SESTD1: variants seen among roughly 807,000 people sequenced by gnomAD.
SESTD1 encodes the protein SEC14 domain and spectrin repeat-containing protein 1.
A neutral mutation model predicts 101.7 loss-of-function variants in SESTD1; 43 were observed. The ratio of observed to expected loss-of-function variants is 0.42; its 90% CI spans 0.33 to 0.55. The LOEUF is 0.55. Among genes scored for constraint, SESTD1 ranks in the 20% least tolerant of loss-of-function variants. The pLI, the probability that SESTD1 is intolerant of heterozygous loss-of-function variation, is 0.07. For missense variants in SESTD1, 647 were observed against 815.1 expected (o/e 0.79, Z 2.51); for synonymous variants, 283 against 286.8 (o/e 0.99, Z 0.13).
chr2:179,230,431 C>T (rs1415974389), intron 1 of SESTD1, among the ~76,000 whole-genome samples: 3 of 151,848 alleles, frequency 2.0e-5, no homozygotes, highest in African/African-American at 4.8e-5. Flanking sequence ...CCACTGCACC[C>T]GGCCTGAATT....
chr2:179,227,281 A>AC (rs893110032), intron 1 of SESTD1, among the ~76,000 whole-genome samples: 1 of 152,144 alleles, frequency 6.6e-6, no homozygotes, highest in African/African-American at 2.4e-5. Context: ...ATTCACTATT[A>AC]CCCCCCACCT....
At chr2:179,264,450 C>A (rs1165580492) in intron 1 of SESTD1, 49 bp downstream of exon 1, 1 of 150,580 alleles carries the variant, frequency 6.6e-6, no homozygotes, top group Non-Finnish European at 1.5e-5. Flanking sequence ...CACCCGGCCG[C>A]GGGGCCTGCG....
intron 10 of SESTD1, among the ~76,000 whole-genome samples, chr2:179,125,060 C>T (rs902046747): frequency 2.6e-5 from 4 of 152,132 alleles, no homozygotes; most frequent in Admixed American, 6.5e-5. Flanking sequence ...ACTACATAGG[C>T]ACCCACCACC....
intron 16 of SESTD1, among the ~76,000 whole-genome samples, chr2:179,113,836 A>G (rs1326961347): frequency 2.6e-5 from 4 of 151,064 alleles, no homozygotes; most frequent in Non-Finnish European, 5.9e-5. Flanking sequence ...ACTGCACTCC[A>G]GCCTGGGCAA....
In SESTD1 at chr2:179,197,240, G is replaced by A. The variant is rs146447124; in HGVS notation, c.-25-5374C>T. 2.4e-3 allele frequency among the ~76,000 whole-genome samples: 365 copies of A among 152,038 alleles called. 6 individuals carry two copies. Among genetic ancestry groups the A allele is most frequent in the African/African-American group, 8.3e-3 (344 of 41,466 alleles). ...GAAAATGAAATGAATGAAATGAAGC[G>A]AGAAGGGAAATTTAGAGAAAAAAAA... is the stretch of plus-strand genomic sequence containing the variant. On this transcript the variant is annotated intron_variant, in intron 1 of 17. Transcript: ENST00000428443.
intron 5 of SESTD1, among the ~76,000 whole-genome samples, chr2:179,167,157 G>T (rs572453412): frequency 1.3e-5 from 2 of 152,166 alleles, no homozygotes; most frequent in Non-Finnish European, 2.9e-5. Context: ...AAAATAACAT[G>T]CAAGGACAGA....
chr2:179,120,343 A>T (rs745627832), intron 13 of SESTD1, among the ~76,000 whole-genome samples: 13 of 152,204 alleles, frequency 8.5e-5, no homozygotes, highest in Non-Finnish European at 1.5e-4. Context: ...CGCAGGCGAC[A>T]CTAAGTAGGC....
At chr2:179,132,271 T>C in intron 10 of SESTD1, 33 bp downstream of exon 10, 1 of 1,520,606 alleles carries the variant, frequency 6.6e-7, no homozygotes, top group Non-Finnish European at 8.7e-7. Context: ...GTTCATAATA[T>C]CATTGTAACT....
intron 1 of SESTD1, among the ~76,000 whole-genome samples, chr2:179,224,728 T>A (rs886348902): frequency 2.6e-5 from 4 of 152,068 alleles, no homozygotes; most frequent in African/African-American, 9.7e-5. Flanking sequence ...TAATGGAACC[T>A]CCACAAAAAC....
chr2:179,186,289 A>C (rs528147051), intron 2 of SESTD1, among the ~76,000 whole-genome samples: 3 of 152,216 alleles, frequency 2.0e-5, no homozygotes, highest in Admixed American at 6.6e-5. Context: ...TAAACTCCAG[A>C]AGATCACTAC....
chr2:179,206,992 C>A lies in SESTD1; in HGVS notation c.-25-15126G>T, dbSNP rs941447746. On this transcript the variant is annotated intron_variant, in intron 1 of 17. Transcript: ENST00000428443. The stretch of plus-strand genomic sequence containing the variant: ...AGAGGCAGCCATAATCACCCTGGAA[C>A]ATAACTCCATTGGCCTGAGAACCAC... Among the ~76,000 whole-genome samples the A allele has an allele frequency of 4.5e-5, 6 of 133,488 alleles. 1 individual carries two copies. The East Asian group carries it at 1.0e-3, about 22-fold the overall frequency. 87.6% of individuals were successfully genotyped at this position (133,488 alleles called of 152,430 possible).
rs1003676308 is a variant in SESTD1 at position 179,207,710 on chromosome 2, A to C, written c.-25-15844T>G. On this transcript the variant is annotated intron_variant, in intron 1 of 17. Transcript: ENST00000428443. ...ACCAAGGGATCACCCTGTAGGACAA[A>C]AGAATCTGAACAGCAGCCCCTGAGT... Among the ~76,000 whole-genome samples the C allele has an allele frequency of 4.4e-5, 6 of 135,126 alleles. 2 individuals are homozygous for C. The highest frequency in any genetic ancestry group is 1.8e-4 in the African/African-American group (6 of 34,160). 88.6% of individuals were successfully genotyped at this position (135,126 alleles called of 152,430 possible). A position where few individuals can be genotyped will look rare whatever the true frequency, so the allele number is the denominator to read the frequency against.
intron 1 of SESTD1, among the ~76,000 whole-genome samples, chr2:179,248,224 T>C (rs2047262221): frequency 6.6e-6 from 1 of 151,976 alleles, no homozygotes; most frequent in Non-Finnish European, 1.5e-5. Flanking sequence ...CCATCTAATA[T>C]AAAATAGATA....
At chr2:179,244,192 C>T (rs139165490) in intron 1 of SESTD1, among the ~76,000 whole-genome samples, 13 of 152,080 alleles carry the variant, frequency 8.5e-5, no homozygotes, top group Non-Finnish European at 5.9e-5. Flanking sequence ...TGTAGTGGCT[C>T]ACACCTGTAA....
At chr2:179,179,253 T>G (rs2046066094) in intron 3 of SESTD1, among the ~76,000 whole-genome samples, 1 of 152,182 alleles carries the variant, frequency 6.6e-6, no homozygotes, top group Non-Finnish European at 1.5e-5. Context: ...TAATAACAAA[T>G]TCCTATAGCC....
At chr2:179,182,041 T>G (rs1275533680) in intron 3 of SESTD1, among the ~76,000 whole-genome samples, 1 of 151,452 alleles carries the variant, frequency 6.6e-6, no homozygotes, top group Non-Finnish European at 1.5e-5. Flanking sequence ...AGAACACTAT[T>G]GGATGCAGGT....
At chr2:179,199,371 G>A (rs1158700899) in intron 1 of SESTD1, among the ~76,000 whole-genome samples, 1 of 152,144 alleles carries the variant, frequency 6.6e-6, no homozygotes, top group Non-Finnish European at 1.5e-5. Context: ...AATTCTACCA[G>A]AGGTACAAGG....
At chr2:179,219,920 A>T (rs1003877829) in intron 1 of SESTD1, among the ~76,000 whole-genome samples, 3 of 152,222 alleles carry the variant, frequency 2.0e-5, no homozygotes, top group Non-Finnish European at 2.9e-5. Context: ...ACCGAATAAT[A>T]TCATTTTTAC....
chr2:179,170,393 TA>T (rs1200262880), intron 5 of SESTD1, among the ~76,000 whole-genome samples: 7 of 152,192 alleles, frequency 4.6e-5, no homozygotes, highest in Non-Finnish European at 7.3e-5. Context: ...AAAAAGACCT[TA>T]TTTTTTTTAA....
Sources: allele counts gnomAD v4.1 joint callset (sites outside exome capture counted in the v4.1 genomes callset), GRCh38; gene constraint gnomAD v4.1.1; transcripts MANE v1.5; gene names NCBI Gene and HGNC (gene_info 2026-07-23, HGNC 2026-07-21).